Variants in MBD5 observed in about 807,000 individuals in gnomAD.
MBD5 encodes the protein methyl-CpG-binding domain protein 5.
A neutral mutation model predicts 117.3 loss-of-function variants in MBD5; 13 were observed. The ratio of observed to expected loss-of-function variants is 0.11; its 90% confidence interval spans 0.07 to 0.18. MBD5 has a LOEUF of 0.18. Among genes scored for constraint, MBD5 ranks in the 10% least tolerant of loss-of-function variants. The probability of loss-of-function intolerance (pLI) is 1.00; values close to 1 mark genes in which losing one functional copy is unlikely to be tolerated. For synonymous variants in MBD5, 727 were observed against 766.4 expected, an observed-to-expected ratio of 0.95 and a Z score of 0.85; for missense variants, 1,879 against 2,093.8, an observed-to-expected ratio of 0.90 and a Z score of 2.00.
At chr2:148,377,017 G>T (rs1430488652) in intron 4 of MBD5, among the ~76,000 whole-genome samples, 1 of 148,840 alleles carries the variant, frequency 6.7e-6, no homozygotes, top group East Asian at 2.0e-4. Flanking sequence ...TATATATATG[G>T]GATATGTATA....
At chr2:148,307,011 CT>C (rs1373212575) in intron 3 of MBD5, among the ~76,000 whole-genome samples, 2 of 151,900 alleles carry the variant, frequency 1.3e-5, no homozygotes, top group African/African-American at 4.8e-5. Context: ...TAACATCCTT[CT>C]TTTTACAAGA....
chr2:148,473,181 A>T (rs1209323200), intron 8 of MBD5, among the ~76,000 whole-genome samples: 1 of 152,194 alleles, frequency 6.6e-6, no homozygotes, highest in Non-Finnish European at 1.5e-5. Flanking sequence ...ATTTTTGCCA[A>T]TATTATAGCA....
intron 11 of MBD5, among the ~76,000 whole-genome samples, chr2:148,500,881 A>G (rs1214988137): frequency 6.6e-6 from 1 of 152,222 alleles, no homozygotes; most frequent in Non-Finnish European, 1.5e-5. Context: ...CATTTCTAAC[A>G]TGAAATATGA....
intron 4 of MBD5, among the ~76,000 whole-genome samples, chr2:148,368,951 C>A (rs1703778372): frequency 6.6e-6 from 1 of 151,946 alleles, no homozygotes; most frequent in African/African-American, 2.4e-5. Flanking sequence ...CAATGGATAT[C>A]ACATTAACAA....
chr2:148,197,795 T>G (rs1699026502), intron 2 of MBD5, among the ~76,000 whole-genome samples: 1 of 34,792 alleles, frequency 2.9e-5, no homozygotes, highest in African/African-American at 1.1e-4. Flanking sequence ...GCATCTGAGG[T>G]TTTTTTTTTT....
At chr2:148,045,182 A>T (rs891243295) in intron 1 of MBD5, among the ~76,000 whole-genome samples, 3 of 152,204 alleles carry the variant, frequency 2.0e-5, no homozygotes, top group Non-Finnish European at 4.4e-5. Flanking sequence ...TAGTAAATAC[A>T]TACTGTGCAT....
intron 11 of MBD5, among the ~76,000 whole-genome samples, chr2:148,490,950 A>C (rs1333927998): frequency 6.6e-6 from 1 of 152,298 alleles, no homozygotes. Flanking sequence ...CTGGGGAAAA[A>C]AATCTGGTAG....
chr2:148,368,490 T>C (rs187922933), intron 4 of MBD5, among the ~76,000 whole-genome samples: 1 of 152,192 alleles, frequency 6.6e-6, no homozygotes, highest in African/African-American at 2.4e-5. Flanking sequence ...AAAAACTTTT[T>C]TAAAATAAAT....
chr2:148,162,651 G>A (rs965875194), intron 1 of MBD5, among the ~76,000 whole-genome samples: 4 of 151,972 alleles, frequency 2.6e-5, no homozygotes, highest in Non-Finnish European at 5.9e-5. Context: ...GTGTTACATG[G>A]TCACTTATTA....
intron 3 of MBD5, among the ~76,000 whole-genome samples, chr2:148,271,216 T>A (rs1272480847): frequency 6.6e-6 from 1 of 152,210 alleles, no homozygotes; most frequent in African/African-American, 2.4e-5. Flanking sequence ...TTTATTACCC[T>A]ATGATTAGTG....
chr2:148,253,720 TAG>T (rs1328303938), intron 3 of MBD5, among the ~76,000 whole-genome samples: 1 of 152,098 alleles, frequency 6.6e-6, no homozygotes, highest in Non-Finnish European at 1.5e-5. Flanking sequence ...CAAGGAATTG[TAG>T]ACAGTTTCAA....
intron 2 of MBD5, among the ~76,000 whole-genome samples, chr2:148,183,804 G>C (rs1184030664): frequency 1.3e-5 from 2 of 152,032 alleles, no homozygotes; most frequent in Non-Finnish European, 2.9e-5. Context: ...CTGAGGTCTT[G>C]TATGCTTGGA....
At chr2:148,255,578 G>C (rs950167960) in intron 3 of MBD5, among the ~76,000 whole-genome samples, 4 of 152,180 alleles carry the variant, frequency 2.6e-5, no homozygotes, top group Non-Finnish European at 4.4e-5. Flanking sequence ...GGTAACAACA[G>C]GTTACCATTC....
At chr2:148,051,075 T>C (rs1694686657) in intron 1 of MBD5, among the ~76,000 whole-genome samples, 2 of 152,184 alleles carry the variant, frequency 1.3e-5, no homozygotes, top group East Asian at 3.8e-4. Context: ...TTTTCATTTC[T>C]GTACATTTCC....
At chr2:148,442,140 T>C (rs1158169758) in intron 4 of MBD5, among the ~76,000 whole-genome samples, 1 of 151,730 alleles carries the variant, frequency 6.6e-6, no homozygotes, top group Admixed American at 6.6e-5. Context: ...TTGGCTTTTG[T>C]TGCCATTGCT....
rs186589201 is a variant in MBD5 at position 148,389,556 on chromosome 2, A to G, written c.-557+47220A>G. ...TAATTTGCATTACCACCAACAGTGT[A>G]TAAGCATTCCCTTTCCTCCACATCC... On this transcript the variant is annotated intron_variant, in intron 4 of 13. Coordinates refer to ENST00000642680, the MANE Select transcript of MBD5 (RefSeq NM_001378120.1). Among the ~76,000 whole-genome samples the G allele has an allele frequency of 2.2e-3, 328 of 152,054 alleles. 1 individual carries two copies. Among genetic ancestry groups the G allele is most frequent in the African/African-American group, 7.3e-3 (304 of 41,494 alleles).
chr2:148,508,389 C>T (rs1315311364), intron 12 of MBD5, among the ~76,000 whole-genome samples: 1 of 151,842 alleles, frequency 6.6e-6, no homozygotes, highest in East Asian at 1.9e-4. Flanking sequence ...TATATCATGA[C>T]ACCTTTTGTG....
intron 1 of MBD5, among the ~76,000 whole-genome samples, chr2:148,023,087 CTT>C (rs74710713): frequency 1.1e-3 from 162 of 142,004 alleles, no homozygotes; most frequent in Middle Eastern, 0.011. Context: ...CCCTCACACC[CTT>C]TTTTTTTTTT....
At chr2:148,024,982 C>T (rs1693856747) in intron 1 of MBD5, 1 of 152,102 alleles carries the variant, frequency 6.6e-6, no homozygotes, top group Non-Finnish European at 1.5e-5. Context: ...ATCAACTTTC[C>T]AGTTTTCTAT....
Sources: allele counts gnomAD v4.1 joint callset (sites outside exome capture counted in the v4.1 genomes callset), GRCh38; gene constraint gnomAD v4.1.1; transcripts MANE v1.5; gene names NCBI Gene and HGNC (gene_info 2026-07-23, HGNC 2026-07-21).